SYNE1: variants seen among roughly 807,000 people sequenced by gnomAD.
The protein encoded by SYNE1 is spectrin repeat containing nuclear envelope protein 1, also known as nesprin-1.
Under a neutral mutation model 1,111.0 loss-of-function variants are expected in SYNE1, and 616 were observed. The observed-to-expected ratio is 0.55, with a 90% confidence interval of 0.52 to 0.59. The LOEUF (loss-of-function observed/expected upper bound fraction) is 0.59, where lower values mean the gene tolerates loss of function less well. Ranked by LOEUF, SYNE1 falls within the 20% of genes least tolerant of loss-of-function variation. SYNE1 has a pLI of 0.00. For missense variants in SYNE1, 10,006 were observed against 10,417.0 expected (o/e 0.96, Z 1.72); for synonymous variants, 3,855 against 3,825.8 (o/e 1.01, Z -0.28).
intron 145 of SYNE1, among the ~76,000 whole-genome samples, chr6:152,123,280 C>G (rs1048914743): frequency 1.4e-4 from 22 of 152,182 alleles, no homozygotes; most frequent in African/African-American, 3.4e-4. Context: ...GGTTCCAAAG[C>G]TGTACGAACA....
At chr6:152,452,323 TA>T (rs2098658100) in intron 25 of SYNE1, among the ~76,000 whole-genome samples, 1 of 151,904 alleles carries the variant, frequency 6.6e-6, no homozygotes, top group South Asian at 2.1e-4. Context: ...GTGTGTGTAA[TA>T]AAATACAACC....
Position 152,463,433 on chromosome 6 carries a change from C to T in SYNE1, c.2017G>A (p.Glu673Lys). ...TGCTTCAGGTCACGGGAAACCATCT[C>T]ATCACAGGTTTCAATTAGAAAATTG... The part of the protein sequence containing the change: ...AGNFLIETCD[E>K]MVSRDLKQQL... The change falls in exon 19 of 146, where the codon GAG becomes AAG. Residue 673 changes from glutamate (E) to lysine (K), a missense_variant. Glu to Lys is a moderately conservative substitution (Grantham distance 56). Around this residue, in one of 7 missense-constraint regions of SYNE1, gnomAD observed 1,971 missense variants for 2,084.1 expected, o/e 0.95. Coordinates refer to ENST00000367255, the MANE Select transcript of SYNE1 (RefSeq NM_182961.4). 1.9e-6 allele frequency: 3 copies of T among 1,613,794 alleles called. No individual in the cohort carries two copies. Among genetic ancestry groups the T allele is most frequent in the Non-Finnish European group, 2.5e-6 (3 of 1,179,776 alleles).
At chr6:152,510,923 T>G (rs2099081706) in intron 7 of SYNE1, 88 bp downstream of exon 7, 1 of 1,180,218 alleles carries the variant, frequency 8.5e-7, no homozygotes, top group African/African-American at 1.5e-5. Context: ...ACCCCAAAGA[T>G]ATGGCAAATG....
In SYNE1 at chr6:152,350,784, G is replaced by GAAA; in HGVS notation, c.11581-17_11581-15dup. On this transcript the variant is annotated splice_polypyrimidine_tract_variant and intron_variant, in intron 70 of 145. Transcript: ENST00000367255. ...TTGTTGAAGTGACTTGAATTACAAA[G>GAAA]AAAAAAAAATGAGCCTGCTCATCTC... 1 of 1,574,252 alleles carries GAAA rather than the reference G, an allele frequency of 6.4e-7. No homozygotes were observed. Among genetic ancestry groups the GAAA allele is most frequent in the Non-Finnish European group, 8.7e-7 (1 of 1,150,002 alleles).
chr6:152,366,695 T>C (rs2097087431), intron 62 of SYNE1, among the ~76,000 whole-genome samples: 2 of 152,160 alleles, frequency 1.3e-5, no homozygotes, highest in African/African-American at 2.4e-5. Flanking sequence ...GTAAAACCCC[T>C]GAGGAAAAAG....
intron 3 of SYNE1, among the ~76,000 whole-genome samples, chr6:152,591,467 T>A (rs568069900): frequency 6.6e-6 from 1 of 152,144 alleles, no homozygotes; most frequent in African/African-American, 2.4e-5. Context: ...AGGCTGAAGA[T>A]TGAAACAGGA....
chr6:152,537,852 C>G (rs959702995), intron 4 of SYNE1, among the ~76,000 whole-genome samples: 3 of 152,194 alleles, frequency 2.0e-5, no homozygotes, highest in Admixed American at 1.3e-4. Context: ...GATCAACTTC[C>G]TTTCTTCTCA....
chr6:152,617,977 G>A lies in SYNE1; in HGVS notation c.67+10288C>T, dbSNP rs749459995. 2.2e-4 allele frequency among the ~76,000 whole-genome samples: 34 copies of A among 152,150 alleles called. 1 individual carries two copies. The highest frequency in any genetic ancestry group is 4.1e-4 in the South Asian group (2 of 4,834). ...AGAAATGAAAAAAGGAAGGTTAATC[G>A]AAGTCAGGCAATGGACACCCTTCCA... On this transcript the variant is annotated intron_variant, in intron 3 of 145. Transcript: ENST00000367255.
intron 87 of SYNE1, 74 bp from the exon 88 acceptor site, chr6:152,310,947 T>C: frequency 6.8e-7 from 1 of 1,479,922 alleles, no homozygotes; most frequent in Non-Finnish European, 9.2e-7. Context: ...TAGCTTGGCA[T>C]AAAATGCCCT....
intron 55 of SYNE1, 27 bp from the exon 56 acceptor site, chr6:152,381,389 T>C (rs2097411705): frequency 6.2e-7 from 1 of 1,607,152 alleles, no homozygotes; most frequent in East Asian, 2.2e-5. Context: ...CCATGGTAAC[T>C]GAAGAGCCTG....
At position 152,376,425 on chromosome 6, in the gene SYNE1, G is replaced by T. The variant is rs1591443794; in HGVS notation, c.9280C>A (p.Pro3094Thr). 1.9e-6 allele frequency: 3 copies of T among 1,614,032 alleles called. No individual in the cohort carries two copies. Among genetic ancestry groups the T allele is most frequent in the African/African-American group, 1.3e-5 (1 of 74,914 alleles). ...GTTGAAACTTCACTTATATTTTGAGGTATATCAAAACACTTGGCGGTAGTG... is the reference window on the plus strand; with the variant it reads ...GTTGAAACTTCACTTATATTTTGAGTTATATCAAAACACTTGGCGGTAGTG... ...KITTAKCFDI[P>T]QNISEVSTSL... The change falls in exon 58 of 146, where the codon CCT becomes ACT. Residue 3094 changes from proline to threonine, a missense_variant. Physicochemically the swap from Pro to Thr is conservative, Grantham distance 38. Transcript: ENST00000367255.
chr6:152,509,971 T>C (rs527973848), intron 8 of SYNE1, among the ~76,000 whole-genome samples: 6 of 152,104 alleles, frequency 3.9e-5, no homozygotes, highest in Non-Finnish European at 7.4e-5. Flanking sequence ...TTAGGCCCAA[T>C]TGCATGAATA....
At chr6:152,243,841 A>G (rs2086400976) in intron 106 of SYNE1, among the ~76,000 whole-genome samples, 2 of 152,250 alleles carry the variant, frequency 1.3e-5, no homozygotes, top group Admixed American at 1.3e-4. Context: ...TTGATCGAAC[A>G]TAACTGCTTG....
At chr6:152,133,181 G>A (rs1173108224) in intron 143 of SYNE1, 95 bp downstream of exon 143, 3 of 1,164,988 alleles carry the variant, frequency 2.6e-6, no homozygotes, top group African/African-American at 3.0e-5. Flanking sequence ...ATTCTGACAA[G>A]TACTATATTT....
chr6:152,429,944 T>C (rs1203748502), intron 36 of SYNE1, among the ~76,000 whole-genome samples, 168 bp downstream of exon 36: 1 of 152,232 alleles, frequency 6.6e-6, no homozygotes, highest in East Asian at 1.9e-4. Flanking sequence ...CATCCTTACA[T>C]GTCTTGGATT....
intron 98 of SYNE1, among the ~76,000 whole-genome samples, chr6:152,274,057 A>G (rs1203929750): frequency 6.6e-6 from 1 of 152,252 alleles, no homozygotes; most frequent in Non-Finnish European, 1.5e-5. Flanking sequence ...AAGTTCATTC[A>G]GAGATCACCA....
At chr6:152,453,502 A>G (rs1389241569) in intron 25 of SYNE1, 84 bp downstream of exon 25, 1 of 1,605,460 alleles carries the variant, frequency 6.2e-7, no homozygotes, top group African/African-American at 1.3e-5. Flanking sequence ...GAATTTCTAA[A>G]TTTCTCTTAC....
chr6:152,325,753 C>T (rs1260060238), intron 80 of SYNE1, among the ~76,000 whole-genome samples: 1 of 152,176 alleles, frequency 6.6e-6, no homozygotes, highest in Non-Finnish European at 1.5e-5. Context: ...GCAAATTGCT[C>T]TGAACATCTT....
chr6:152,563,383 C>T (rs561824715), intron 3 of SYNE1, among the ~76,000 whole-genome samples: 3 of 152,022 alleles, frequency 2.0e-5, no homozygotes, highest in South Asian at 4.1e-4. Context: ...CCAGTGCCAG[C>T]GTGTCTACAA....
Sources: gnomAD v4.1 joint callset for allele counts (sites outside exome capture counted in the v4.1 genomes callset) on GRCh38, gnomAD v4.1.1 for gene constraint, gnomAD v4.1.1 regional missense constraint, MANE v1.5 for transcripts, NCBI Gene and HGNC (gene_info 2026-07-23, HGNC 2026-07-21) for gene names.